The following MAGI1 variants were observed in gnomAD, a reference collection of about 807,000 sequenced individuals.
The protein encoded by MAGI1 is membrane associated guanylate kinase, WW and PDZ domain containing 1.
A neutral mutation model predicts 139.9 loss-of-function variants in MAGI1; 58 were observed. The ratio of observed to expected loss-of-function variants is 0.41; its 90% CI spans 0.34 to 0.52. The LOEUF (loss-of-function observed/expected upper bound fraction) is 0.52. Among genes scored for constraint, MAGI1 ranks in the 20% least tolerant of loss-of-function variants. The probability of loss-of-function intolerance (pLI) is 0.12; values close to 1 mark genes in which losing one functional copy is unlikely to be tolerated. For synonymous variants in MAGI1, 812 were observed against 737.9 expected, an observed-to-expected ratio of 1.10 and a Z score of -1.63; for missense variants, 1,874 against 1,901.6, an observed-to-expected ratio of 0.99 and a Z score of 0.27.
At chr3:65,995,503 A>G (rs1186155228) in intron 1 of MAGI1, among the ~76,000 whole-genome samples, 1 of 151,780 alleles carries the variant, frequency 6.6e-6, no homozygotes, top group Non-Finnish European at 1.5e-5. Context: ...CTTTTCATCC[A>G]TTTCCCCATA....
chr3:65,805,790 A>G (rs2108160788), intron 1 of MAGI1, among the ~76,000 whole-genome samples: 1 of 152,322 alleles, frequency 6.6e-6, no homozygotes, highest in African/African-American at 2.4e-5. Flanking sequence ...CTTTGGAGGG[A>G]CATAGATGGA....
At chr3:65,878,548 T>A (rs533642655) in intron 1 of MAGI1, among the ~76,000 whole-genome samples, 96 of 152,058 alleles carry the variant, frequency 6.3e-4, no homozygotes, top group African/African-American at 2.3e-3. Context: ...GCAGACTTAT[T>A]TTTTTATTTG....
chr3:65,926,218 CCTACA>C (rs2062495717), intron 1 of MAGI1, among the ~76,000 whole-genome samples: 1 of 152,046 alleles, frequency 6.6e-6, no homozygotes, highest in African/African-American at 2.4e-5. Flanking sequence ...TGTGTTATCA[CCTACA>C]CTAAATAGAA....
chr3:65,752,574 G>C (rs567299857), intron 1 of MAGI1, among the ~76,000 whole-genome samples: 14 of 152,316 alleles, frequency 9.2e-5, no homozygotes, highest in African/African-American at 3.4e-4. Context: ...ACAGAAGCAA[G>C]CTACTAAGGT....
intron 18 of MAGI1, among the ~76,000 whole-genome samples, chr3:65,370,749 T>C (rs1436322115): frequency 6.6e-6 from 1 of 152,154 alleles, no homozygotes; most frequent in Non-Finnish European, 1.5e-5. Context: ...GCTCCAGCCA[T>C]CCTCCCGCCA....
At chr3:65,478,126 T>G (rs1326878168) in intron 4 of MAGI1, among the ~76,000 whole-genome samples, 1 of 152,166 alleles carries the variant, frequency 6.6e-6, no homozygotes, top group Admixed American at 6.6e-5. Flanking sequence ...ATATCTCTGC[T>G]TTCAAAGATA....
Position 65,838,260 on chromosome 3 carries a change from C to T in MAGI1, c.313+199736G>A, listed in dbSNP as rs559462160. ...CAAGGAGATGGAGGTTGCAGTGAGCCGAGATCCCGCCACTGCAGTCCAGCC... is the reference window on the plus strand; with the variant it reads ...CAAGGAGATGGAGGTTGCAGTGAGCTGAGATCCCGCCACTGCAGTCCAGCC... On this transcript the variant is annotated intron_variant, in intron 1 of 22. Coordinates refer to ENST00000402939, the MANE Select transcript of MAGI1 (RefSeq NM_001033057.2). 1.6e-4 allele frequency among the ~76,000 whole-genome samples: 24 copies of T among 152,076 alleles called. No homozygotes were observed. The South Asian group carries it at 4.8e-3, about 30-fold the overall frequency.
At chr3:65,541,431 A>C (rs533762324) in intron 2 of MAGI1, among the ~76,000 whole-genome samples, 4 of 152,310 alleles carry the variant, frequency 2.6e-5, no homozygotes, top group African/African-American at 9.6e-5. Flanking sequence ...TGAGGCCAGC[A>C]TCATCCTGAT....
chr3:65,820,087 C>G (rs1178766961), intron 1 of MAGI1, among the ~76,000 whole-genome samples: 7 of 151,870 alleles, frequency 4.6e-5, no homozygotes. Context: ...GACCTTTGAA[C>G]AGACTTACTA....
At chr3:65,593,475 G>T (rs947121071) in intron 2 of MAGI1, among the ~76,000 whole-genome samples, 2 of 152,148 alleles carry the variant, frequency 1.3e-5, no homozygotes, top group African/African-American at 2.4e-5. Flanking sequence ...GAGCAGAGTA[G>T]AAATCTAAAT....
intron 1 of MAGI1, among the ~76,000 whole-genome samples, chr3:65,767,945 T>C (rs1327246801): frequency 1.3e-5 from 2 of 152,232 alleles, no homozygotes; most frequent in East Asian, 1.9e-4. Context: ...CTGACCATTC[T>C]GCATGCCCAA....
At chr3:66,029,338 A>T (rs1003699503) in intron 1 of MAGI1, among the ~76,000 whole-genome samples, 3 of 152,120 alleles carry the variant, frequency 2.0e-5, no homozygotes, top group African/African-American at 7.2e-5. Flanking sequence ...CCATAAAGAG[A>T]GCCTCGAGTC....
intron 1 of MAGI1, among the ~76,000 whole-genome samples, chr3:65,701,545 G>A (rs559014884): frequency 3.8e-4 from 57 of 151,782 alleles, no homozygotes; most frequent in East Asian, 1.2e-3. Context: ...GAGTCACCGC[G>A]CCCAGTCCCA....
intron 1 of MAGI1, among the ~76,000 whole-genome samples, chr3:65,683,304 T>A (rs912338836): frequency 6.6e-5 from 10 of 152,060 alleles, no homozygotes; most frequent in Non-Finnish European, 1.0e-4. Flanking sequence ...TGGGTGATAA[T>A]GATGTGTCAG....
At chr3:65,404,946 A>G (rs1575628735) in intron 12 of MAGI1, among the ~76,000 whole-genome samples, 1 of 152,314 alleles carries the variant, frequency 6.6e-6, no homozygotes, top group African/African-American at 2.4e-5. Context: ...ATCATGTCAC[A>G]TATCACATAT....
intron 2 of MAGI1, among the ~76,000 whole-genome samples, chr3:65,494,516 A>C (rs1952280386): frequency 6.6e-6 from 1 of 152,204 alleles, no homozygotes; most frequent in South Asian, 2.1e-4. Context: ...CTGTATTAGG[A>C]GCCTATGTTA....
intron 2 of MAGI1, among the ~76,000 whole-genome samples, chr3:65,540,717 G>C (rs2079170239): frequency 1.3e-5 from 2 of 152,160 alleles, no homozygotes. Flanking sequence ...TGCCCTTAAA[G>C]AGGTTTTAGT....
intron 1 of MAGI1, among the ~76,000 whole-genome samples, chr3:66,012,637 A>G (rs1159705724): frequency 2.0e-5 from 3 of 151,936 alleles, no homozygotes; most frequent in South Asian, 2.1e-4. Flanking sequence ...ATGGTGGTAC[A>G]CATCTGTAAT....
intron 1 of MAGI1, among the ~76,000 whole-genome samples, chr3:66,016,952 A>G (rs1352987875): frequency 6.6e-6 from 1 of 152,134 alleles, no homozygotes; most frequent in Non-Finnish European, 1.5e-5. Context: ...TCAAATTCAC[A>G]GAGAAAGAAA....
Sources: gnomAD v4.1 joint callset for allele counts (sites outside exome capture counted in the v4.1 genomes callset) on GRCh38, gnomAD v4.1.1 for gene constraint, MANE v1.5 for transcripts, NCBI Gene and HGNC (gene_info 2026-07-23, HGNC 2026-07-21) for gene names.